CCSER1: variants seen among roughly 807,000 people sequenced by gnomAD.
The protein encoded by CCSER1 is serine-rich coiled-coil domain-containing protein 1.
Under a neutral mutation model 82.0 loss-of-function variants are expected in CCSER1, and 41 were observed. The ratio of observed to expected loss-of-function variants is 0.50; its 90% CI spans 0.39 to 0.65. The LOEUF (loss-of-function observed/expected upper bound fraction) is 0.65. Among genes scored for constraint, CCSER1 ranks in the 30% least tolerant of loss-of-function variants. CCSER1 has a pLI of 0.00. For synonymous variants in CCSER1, 414 were observed against 383.9 expected, an observed-to-expected ratio of 1.08 and a Z score of -0.92; for missense variants, 1,119 against 1,064.2, an observed-to-expected ratio of 1.05 and a Z score of -0.72.
At chr4:90,713,055 T>A (rs952057084) in intron 6 of CCSER1, among the ~76,000 whole-genome samples, 1 of 151,970 alleles carries the variant, frequency 6.6e-6, no homozygotes. Flanking sequence ...ATGAGATGGA[T>A]CTTTTCAAGA....
chr4:90,465,558 T>C (rs886622710), intron 4 of CCSER1, among the ~76,000 whole-genome samples: 6 of 152,290 alleles, frequency 3.9e-5, no homozygotes, highest in South Asian at 2.1e-4. Context: ...TTCATTTTCA[T>C]TGGCAAATTT....
intron 6 of CCSER1, among the ~76,000 whole-genome samples, chr4:90,643,012 G>GT (rs2148994526): frequency 6.6e-6 from 1 of 151,724 alleles, no homozygotes; most frequent in East Asian, 1.9e-4. Flanking sequence ...AGACCCATTT[G>GT]TTTTGTTCTC....
intron 5 of CCSER1, among the ~76,000 whole-genome samples, chr4:90,622,515 G>A (rs1011893816): frequency 3.3e-5 from 5 of 152,078 alleles, no homozygotes; most frequent in Admixed American, 6.6e-5. Context: ...GAGAACATGC[G>A]GTGTTTGTTT....
chr4:91,231,469 T>C (rs904742762), intron 10 of CCSER1, among the ~76,000 whole-genome samples: 2 of 151,796 alleles, frequency 1.3e-5, no homozygotes, highest in Non-Finnish European at 3.0e-5. Context: ...GGTGGGGGAA[T>C]TAACATGTTT....
At chr4:91,284,124 T>A (rs1743106229) in intron 10 of CCSER1, among the ~76,000 whole-genome samples, 1 of 152,114 alleles carries the variant, frequency 6.6e-6, no homozygotes, top group Non-Finnish European at 1.5e-5. Context: ...GAAGTGACTC[T>A]TACTTAAGTT....
At chr4:91,311,909 C>T (rs1745508287) in intron 10 of CCSER1, among the ~76,000 whole-genome samples, 1 of 151,878 alleles carries the variant, frequency 6.6e-6, no homozygotes, top group African/African-American at 2.4e-5. Flanking sequence ...CCACTATTCA[C>T]TTTGTCTTCC....
rs112359412 is a variant in CCSER1 at position 91,594,276 on chromosome 4, T to C, written c.2218-4296T>C. ...CTGGGCCAAGGCAACCAAATCCATA[T>C]ATATATATATGTGTGTATATATGTA... On this transcript the variant is annotated intron_variant, in intron 10 of 10. Transcript: ENST00000509176. Among the ~76,000 whole-genome samples the C allele has an allele frequency of 1.7e-3, 255 of 146,584 alleles. 1 individual carries two copies. The highest frequency in any genetic ancestry group is 6.1e-3 in the African/African-American group (235 of 38,690).
intron 3 of CCSER1, among the ~76,000 whole-genome samples, chr4:90,373,794 A>G (rs901455317): frequency 6.6e-5 from 10 of 152,196 alleles, no homozygotes; most frequent in Non-Finnish European, 1.5e-4. Flanking sequence ...GGAAAGCTAT[A>G]GAAGATATAG....
intron 10 of CCSER1, among the ~76,000 whole-genome samples, chr4:91,524,214 G>A (rs1760656760): frequency 6.6e-6 from 1 of 152,252 alleles, no homozygotes; most frequent in East Asian, 1.9e-4. Context: ...GAAATTTTAA[G>A]TATTTCTGTG....
intron 8 of CCSER1, among the ~76,000 whole-genome samples, chr4:90,889,332 A>C (rs375729651): frequency 2.4e-4 from 37 of 152,234 alleles, no homozygotes; most frequent in African/African-American, 8.2e-4. Flanking sequence ...ACAACACATA[A>C]TGATGATGAA....
intron 5 of CCSER1, among the ~76,000 whole-genome samples, chr4:90,566,792 CG>C (rs1407604466): frequency 1.3e-5 from 2 of 151,812 alleles, no homozygotes; most frequent in Admixed American, 1.3e-4. Context: ...TTAGTAGAGA[CG>C]GGGTTTCACC....
At chr4:91,049,179 A>G (rs1742782214) in intron 9 of CCSER1, among the ~76,000 whole-genome samples, 1 of 152,164 alleles carries the variant, frequency 6.6e-6, no homozygotes, top group Non-Finnish European at 1.5e-5. Flanking sequence ...AGCAATGAAG[A>G]TATGTTTTGT....
At chr4:91,113,285 T>A (rs1260582608) in intron 10 of CCSER1, among the ~76,000 whole-genome samples, 1 of 152,174 alleles carries the variant, frequency 6.6e-6, no homozygotes, top group Non-Finnish European at 1.5e-5. Flanking sequence ...AAGGGAGACC[T>A]TCTTGAGATT....
At chr4:91,402,216 T>G (rs543252531) in intron 10 of CCSER1, among the ~76,000 whole-genome samples, 229 of 152,330 alleles carry the variant, frequency 1.5e-3, no homozygotes, top group African/African-American at 5.2e-3. Context: ...TGTCTGTTCA[T>G]ATCCTTTGCC....
At chr4:91,543,601 TTTTC>T (rs1409964124) in intron 10 of CCSER1, among the ~76,000 whole-genome samples, 3 of 152,200 alleles carry the variant, frequency 2.0e-5, no homozygotes, top group Non-Finnish European at 4.4e-5. Context: ...TTGAAAATTC[TTTTC>T]TTTAAGAATG....
intron 5 of CCSER1, among the ~76,000 whole-genome samples, chr4:90,590,869 G>C (rs1579333642): frequency 1.3e-5 from 2 of 152,086 alleles, no homozygotes; most frequent in Non-Finnish European, 2.9e-5. Context: ...ATAGCATTGA[G>C]TCTATAAATT....
chr4:91,525,086 G>A (rs72884616), intron 10 of CCSER1, among the ~76,000 whole-genome samples: 2,141 of 152,146 alleles, frequency 0.014, 60 homozygotes, highest in African/African-American at 0.049. Context: ...TAACTAATAC[G>A]AGAATCTCCA....
intron 6 of CCSER1, among the ~76,000 whole-genome samples, chr4:90,661,218 AC>A (rs1730711967): frequency 6.6e-6 from 1 of 152,180 alleles, no homozygotes; most frequent in African/African-American, 2.4e-5. Flanking sequence ...TTGGTTTTTA[AC>A]TGTGCTTTTA....
intron 5 of CCSER1, among the ~76,000 whole-genome samples, chr4:90,590,121 A>G (rs1442728133): frequency 6.6e-6 from 1 of 152,044 alleles, no homozygotes; most frequent in African/African-American, 2.4e-5. Flanking sequence ...CAAAATTATA[A>G]AAATTAGCCA....
Sources: allele counts gnomAD v4.1 joint callset (sites outside exome capture counted in the v4.1 genomes callset), GRCh38; gene constraint gnomAD v4.1.1; transcripts MANE v1.5; gene names NCBI Gene and HGNC (gene_info 2026-07-23, HGNC 2026-07-21).